The following ARHGAP21 variants were observed in gnomAD, a reference collection of about 807,000 sequenced individuals.
ARHGAP21 encodes rho GTPase-activating protein 21.
Under a neutral mutation model 164.6 loss-of-function variants are expected in ARHGAP21, and 38 were observed. The observed-to-expected ratio is 0.23, with a 90% CI of 0.18 to 0.30. The LOEUF is 0.30. Among genes scored for constraint, ARHGAP21 ranks in the 10% least tolerant of loss-of-function variants. The pLI is 1.00. For missense variants in ARHGAP21, 1,822 were observed against 2,370.7 expected (o/e 0.77, Z 4.81); for synonymous variants, 766 against 857.9 (o/e 0.89, Z 1.87).
intron 24 of ARHGAP21, 134 bp downstream of exon 24, chr10:24,591,091 G>A (rs2130764188): frequency 5.0e-6 from 5 of 997,834 alleles, no homozygotes; most frequent in Non-Finnish European, 5.7e-6. Flanking sequence ...GGAAGATTAA[G>A]GTTTTTTATT....
chr10:24,600,264 ACT>A (rs2076760604), intron 14 of ARHGAP21, among the ~76,000 whole-genome samples: 1 of 151,828 alleles, frequency 6.6e-6, no homozygotes, highest in Non-Finnish European at 1.5e-5. Context: ...CATCAGTATC[ACT>A]CTGCATTTAT....
chr10:24,605,167 T>C (rs2076970350), intron 11 of ARHGAP21, among the ~76,000 whole-genome samples: 1 of 152,138 alleles, frequency 6.6e-6, no homozygotes, highest in African/African-American at 2.4e-5. Flanking sequence ...GGTGGCTAAC[T>C]GCAGTGAAGT....
intron 2 of ARHGAP21, among the ~76,000 whole-genome samples, chr10:24,717,171 G>A (rs1845468622): frequency 6.6e-6 from 1 of 152,166 alleles, no homozygotes; most frequent in African/African-American, 2.4e-5. Flanking sequence ...GAAAGGTTTA[G>A]CAAATCAGGA....
In ARHGAP21 at chr10:24,620,076, G is replaced by C; in HGVS notation, c.1819C>G (p.Leu607Val). ...CTGTCTTGTGAAATACCCCGAGGCA[G>C]TGACATTCCACAAGTAGTCTGAAAA... ...RNFQTTCGMS[L>V]PRGISQDRSP... Residue 607 changes from leucine to valine, a missense_variant, in exon 9 of 26, where the codon CTG becomes GTG. This residue lies in a region of ARHGAP21 where 1,090 missense variants were observed against 1,378.9 expected (regional missense o/e 0.79). Coordinates refer to ENST00000396432, the MANE Select transcript of ARHGAP21 (RefSeq NM_020824.4). The C allele has an allele frequency of 3.1e-6, 5 of 1,613,960 alleles. No individual in the cohort carries two copies. In the South Asian group the frequency reaches 5.5e-5, roughly 18 times the overall value.
intron 2 of ARHGAP21, among the ~76,000 whole-genome samples, chr10:24,720,131 G>A (rs1376654287): frequency 4.0e-5 from 6 of 151,442 alleles, no homozygotes; most frequent in South Asian, 2.1e-4. Context: ...TTTCACAGCC[G>A]TTAAAAAATA....
At chr10:24,663,879 AC>A (rs899818160) in intron 4 of ARHGAP21, among the ~76,000 whole-genome samples, 3 of 151,898 alleles carry the variant, frequency 2.0e-5, no homozygotes, top group African/African-American at 7.3e-5. Flanking sequence ...TTTCAACAGC[AC>A]CTCTGGCCTC....
intron 2 of ARHGAP21, among the ~76,000 whole-genome samples, chr10:24,720,100 T>C (rs1845781859): frequency 6.6e-6 from 1 of 152,146 alleles, no homozygotes; most frequent in African/African-American, 2.4e-5. Flanking sequence ...CTGCCAGCAG[T>C]AAGGTCCAAA....
At chr10:24,720,092 G>A (rs896715813) in intron 2 of ARHGAP21, among the ~76,000 whole-genome samples, 15 of 152,034 alleles carry the variant, frequency 9.9e-5, no homozygotes, top group African/African-American at 3.1e-4. Flanking sequence ...TAGCCATGCT[G>A]CCAGCAGTAA....
At chr10:24,664,573 T>C (rs926353538) in intron 4 of ARHGAP21, among the ~76,000 whole-genome samples, 2 of 150,162 alleles carry the variant, frequency 1.3e-5, no homozygotes, top group East Asian at 3.9e-4. Context: ...AAAATAATAA[T>C]AATAATAATA....
chr10:24,656,339 T>TG (rs1450852122), intron 4 of ARHGAP21, among the ~76,000 whole-genome samples: 3 of 67,216 alleles, frequency 4.5e-5, no homozygotes, highest in African/African-American at 1.4e-4. Flanking sequence ...GGGAGGGAGA[T>TG]GGGGGGGTCA....
At chr10:24,628,870 CAT>C (rs556544278) in intron 7 of ARHGAP21, 3 of 107,134 alleles carry the variant, frequency 2.8e-5, no homozygotes, top group African/African-American at 7.6e-5. Flanking sequence ...CACATATATA[CAT>C]ACATATATAC....
intron 12 of ARHGAP21, among the ~76,000 whole-genome samples, chr10:24,602,868 T>C (rs1450058940): frequency 6.6e-6 from 1 of 152,078 alleles, no homozygotes; most frequent in Non-Finnish European, 1.5e-5. Flanking sequence ...GGAATTGATA[T>C]GGGGGAAAGT....
At chr10:24,662,326 G>C (rs961052385) in intron 4 of ARHGAP21, among the ~76,000 whole-genome samples, 8 of 152,064 alleles carry the variant, frequency 5.3e-5, no homozygotes, top group African/African-American at 1.9e-4. Context: ...AGAAGTAAGA[G>C]GGCAGAATTA....
At chr10:24,602,490 T>C (rs976714245) in intron 12 of ARHGAP21, among the ~76,000 whole-genome samples, 5 of 152,038 alleles carry the variant, frequency 3.3e-5, no homozygotes, top group Non-Finnish European at 5.9e-5. Flanking sequence ...TTGTTGAAAT[T>C]TGGAGGAAAA....
At chr10:24,592,463 A>G (rs2076376049) in intron 21 of ARHGAP21, among the ~76,000 whole-genome samples, 1 of 152,188 alleles carries the variant, frequency 6.6e-6, no homozygotes, top group Non-Finnish European at 1.5e-5. Context: ...GATTTGGTTC[A>G]AAACGAGGGT....
At chr10:24,712,536 T>C (rs565093578) in intron 2 of ARHGAP21, among the ~76,000 whole-genome samples, 3 of 152,312 alleles carry the variant, frequency 2.0e-5, no homozygotes, top group Admixed American at 2.0e-4. Context: ...ACAATGTGAA[T>C]ACCACATAAA....
rs149324738 is a variant in ARHGAP21, at chr10:24,644,543, G to C, written c.269-9440C>G. 5.1e-3 allele frequency among the ~76,000 whole-genome samples: 769 copies of C among 152,218 alleles called. 3 individuals carry two copies. The highest frequency in any genetic ancestry group is 9.1e-3 in the Non-Finnish European group (620 of 68,012). The stretch of plus-strand genomic sequence containing the variant: ...CCCTTCCGTCCACTGCACTGAAACT[G>C]TTCTCAGTAACTTTACCAAACTGCC... On this transcript the variant is annotated intron_variant, in intron 4 of 25. Coordinates refer to ENST00000396432, the MANE Select transcript of ARHGAP21 (RefSeq NM_020824.4).
intron 4 of ARHGAP21, among the ~76,000 whole-genome samples, chr10:24,656,410 C>G (rs1394939396): frequency 1.1e-5 from 1 of 94,746 alleles, no homozygotes; most frequent in African/African-American, 4.6e-5. Context: ...GCCCTCCGCC[C>G]GGCCAGCCGC....
intron 4 of ARHGAP21, among the ~76,000 whole-genome samples, chr10:24,652,791 G>T (rs1376352249): frequency 6.6e-6 from 1 of 152,170 alleles, no homozygotes; most frequent in East Asian, 1.9e-4. Context: ...TACAGAGCAA[G>T]CGGAACTCTC....
Sources: allele counts gnomAD v4.1 joint callset (sites outside exome capture counted in the v4.1 genomes callset), GRCh38; gene constraint gnomAD v4.1.1; regional missense constraint gnomAD v4.1.1; transcripts MANE v1.5; gene names NCBI Gene and HGNC (gene_info 2026-07-23, HGNC 2026-07-21).